GALNTL6: variants seen among roughly 807,000 people sequenced by gnomAD.
The protein encoded by GALNTL6 is polypeptide N-acetylgalactosaminyltransferase like 6, also known as polypeptide N-acetylgalactosaminyltransferase-like 6.
GALNTL6 carries 46 observed loss-of-function variants against 73.7 expected under a neutral mutation model. That is an observed-to-expected ratio of 0.62 (90% confidence interval 0.49 to 0.80). GALNTL6 has a LOEUF of 0.80. Among genes scored for constraint, GALNTL6 ranks in the 30% least tolerant of loss-of-function variants. The pLI, the probability that GALNTL6 is intolerant of heterozygous loss-of-function variation, is 0.00. For missense variants in GALNTL6, 604 were observed against 755.0 expected, an observed-to-expected ratio of 0.80 and a Z score of 2.34; for synonymous variants, 259 against 263.7, an observed-to-expected ratio of 0.98 and a Z score of 0.17.
chr4:172,666,011 T>A (rs963844944), intron 5 of GALNTL6, among the ~76,000 whole-genome samples: 3 of 152,186 alleles, frequency 2.0e-5, no homozygotes, highest in Non-Finnish European at 4.4e-5. Context: ...TGGAATTTTT[T>A]ATCTAGATTT....
intron 5 of GALNTL6, among the ~76,000 whole-genome samples, chr4:172,396,485 T>A (rs1393103634): frequency 6.6e-6 from 1 of 152,076 alleles, no homozygotes; most frequent in African/African-American, 2.4e-5. Context: ...CTTCCAATAG[T>A]GTTTATGGAA....
intron 5 of GALNTL6, among the ~76,000 whole-genome samples, chr4:172,625,181 T>C (rs971228531): frequency 2.0e-5 from 3 of 151,992 alleles, no homozygotes; most frequent in Non-Finnish European, 4.4e-5. Flanking sequence ...ACTCTATATA[T>C]TTCTTATATT....
intron 2 of GALNTL6, among the ~76,000 whole-genome samples, chr4:171,985,132 T>A (rs929800920): frequency 2.6e-5 from 4 of 152,012 alleles, no homozygotes; most frequent in Non-Finnish European, 4.4e-5. Context: ...ATAAAAAAAA[T>A]CCTGTATTGA....
At chr4:172,000,345 G>C (rs1347951360) in intron 2 of GALNTL6, among the ~76,000 whole-genome samples, 1 of 152,172 alleles carries the variant, frequency 6.6e-6, no homozygotes, top group African/African-American at 2.4e-5. Context: ...TGGATAACTT[G>C]AGTTCATTCT....
rs1304038031 is a variant in GALNTL6, at chr4:172,931,259, C to T, written c.1140C>T (p.Ser380=). 1.3e-6 allele frequency: 2 copies of T among 1,590,582 alleles called. No homozygotes were observed. The highest frequency in any genetic ancestry group is 3.3e-5 in the Admixed American group (2 of 59,998). ...YVPYKVPSGT[S]LARNLKRVAE... ...CATACAAAGTTCCATCTGGGACAAGCCTGGCAAGAGTGAGTAACTCAGCAT... is the reference window on the plus strand; with the variant it reads ...CATACAAAGTTCCATCTGGGACAAGTCTGGCAAGAGTGAGTAACTCAGCAT... Residue 380 remains serine (S), a synonymous_variant, in exon 9 of 13, where the codon AGC becomes AGT. Coordinates refer to ENST00000506823, the MANE Select transcript of GALNTL6 (RefSeq NM_001034845.3).
intron 7 of GALNTL6, among the ~76,000 whole-genome samples, chr4:172,819,709 A>C (rs1278336989): frequency 6.6e-6 from 1 of 152,214 alleles, no homozygotes; most frequent in African/African-American, 2.4e-5. Flanking sequence ...TGAAATATGT[A>C]ATTTTTACAA....
intron 4 of GALNTL6, among the ~76,000 whole-genome samples, chr4:172,338,266 T>C (rs1011329450): frequency 3.9e-5 from 6 of 152,194 alleles, no homozygotes; most frequent in Non-Finnish European, 7.4e-5. Context: ...TTGGGGTTTC[T>C]ATTTTGGTTA....
intron 2 of GALNTL6, among the ~76,000 whole-genome samples, chr4:171,877,822 C>T (rs1329946228): frequency 6.6e-6 from 1 of 152,108 alleles, no homozygotes; most frequent in African/African-American, 2.4e-5. Context: ...TGATTAAAAA[C>T]CAAGTTAATT....
At chr4:172,048,577 C>A (rs754802269) in intron 2 of GALNTL6, among the ~76,000 whole-genome samples, 11 of 152,046 alleles carry the variant, frequency 7.2e-5, no homozygotes, top group Non-Finnish European at 1.0e-4. Context: ...TTCCCATGAA[C>A]TTGGATGAAA....
chr4:172,393,099 C>A (rs1743723787), intron 5 of GALNTL6, among the ~76,000 whole-genome samples: 1 of 152,138 alleles, frequency 6.6e-6, no homozygotes, highest in Non-Finnish European at 1.5e-5. Context: ...GGAACAGTTT[C>A]ATCCCCAAAC....
chr4:172,377,174 T>C (rs533651200), intron 5 of GALNTL6, among the ~76,000 whole-genome samples: 2 of 152,306 alleles, frequency 1.3e-5, no homozygotes, highest in East Asian at 3.9e-4. Context: ...TGGTCCATTT[T>C]ACAGAGAGCT....
At chr4:172,925,190 T>A (rs1188667784) in intron 8 of GALNTL6, among the ~76,000 whole-genome samples, 4 of 146,550 alleles carry the variant, frequency 2.7e-5, no homozygotes, top group Admixed American at 6.7e-5. Context: ...TTTTTTTTTT[T>A]AAAGTGATCA....
At position 172,845,009 on chromosome 4, in the gene GALNTL6, A is replaced by G. The variant is rs527670659; in HGVS notation, c.923+31286A>G. ...GGCCGGCAGGTCATGAGGTCAAGAG[A>G]TAGAGACCATCCTGGCCAACATGGT... On this transcript the variant is annotated intron_variant, in intron 7 of 12. Coordinates refer to ENST00000506823, the MANE Select transcript of GALNTL6 (RefSeq NM_001034845.3). Among the ~76,000 whole-genome samples the G allele has an allele frequency of 2.0e-5, 3 of 152,142 alleles. No homozygotes were observed. The East Asian group carries it at 5.8e-4, about 29-fold the overall frequency.
chr4:172,168,138 C>G (rs1734691878), intron 2 of GALNTL6, among the ~76,000 whole-genome samples: 1 of 152,122 alleles, frequency 6.6e-6, no homozygotes, highest in Non-Finnish European at 1.5e-5. Context: ...CAAGCCAACC[C>G]TAATTAGTTT....
intron 2 of GALNTL6, among the ~76,000 whole-genome samples, chr4:171,963,860 C>G (rs1361063141): frequency 1.3e-5 from 2 of 152,160 alleles, no homozygotes; most frequent in Non-Finnish European, 2.9e-5. Flanking sequence ...ATCTTGAGAG[C>G]AGAAGCACTG....
At chr4:172,788,088 G>A (rs1739763152) in intron 5 of GALNTL6, among the ~76,000 whole-genome samples, 2 of 152,168 alleles carry the variant, frequency 1.3e-5, no homozygotes, top group Admixed American at 6.5e-5. Context: ...GTGCATGCCT[G>A]TAATCCCAAC....
At chr4:172,074,727 G>C (rs1731652066) in intron 2 of GALNTL6, among the ~76,000 whole-genome samples, 1 of 152,078 alleles carries the variant, frequency 6.6e-6, no homozygotes, top group Non-Finnish European at 1.5e-5. Context: ...GGAAAACAGG[G>C]CTTTAATTAA....
At chr4:173,038,233 T>C (rs1385976850) in intron 12 of GALNTL6, among the ~76,000 whole-genome samples, 1 of 152,136 alleles carries the variant, frequency 6.6e-6, no homozygotes, top group Non-Finnish European at 1.5e-5. Context: ...AGCTTCACTA[T>C]TGGTTGGGGC....
chr4:171,916,363 A>G (rs1053497479), intron 2 of GALNTL6, among the ~76,000 whole-genome samples: 6 of 152,152 alleles, frequency 3.9e-5, no homozygotes, highest in Admixed American at 3.3e-4. Context: ...GTCATGACAT[A>G]GTGCAAAGGC....
Sources: allele counts gnomAD v4.1 joint callset (sites outside exome capture counted in the v4.1 genomes callset), GRCh38; gene constraint gnomAD v4.1.1; transcripts MANE v1.5; gene names NCBI Gene and HGNC (gene_info 2026-07-23, HGNC 2026-07-21).